The following NRXN3 variants were observed in gnomAD, a reference collection of about 807,000 sequenced individuals.
The protein encoded by NRXN3 is neurexin III.
In NRXN3, 32 loss-of-function variants were observed where a neutral mutation model predicts 137.6. The ratio of observed to expected loss-of-function variants is 0.23; its 90% confidence interval spans 0.18 to 0.31. The LOEUF is 0.31. Among genes scored for constraint, NRXN3 ranks in the 10% least tolerant of loss-of-function variants. The pLI, the probability that NRXN3 is intolerant of heterozygous loss-of-function variation, is 1.00. For missense variants in NRXN3, 1,574 were observed against 2,062.5 expected, an observed-to-expected ratio of 0.76 and a Z score of 4.59; for synonymous variants, 798 against 784.5, an observed-to-expected ratio of 1.02 and a Z score of -0.29.
intron 10 of NRXN3, among the ~76,000 whole-genome samples, chr14:78,955,881 G>T (rs926335984): frequency 6.6e-6 from 1 of 152,120 alleles, no homozygotes; most frequent in Admixed American, 6.5e-5. Flanking sequence ...GGAGGGAGGA[G>T]TGTAGCTAGT....
intron 8 of NRXN3, among the ~76,000 whole-genome samples, chr14:78,721,574 G>C (rs539546900): frequency 8.5e-5 from 13 of 152,126 alleles, no homozygotes; most frequent in Admixed American, 2.6e-4. Flanking sequence ...ACTCGGTTTA[G>C]TTATATCAGC....
chr14:78,304,238 G>A (rs2077145203), intron 4 of NRXN3, among the ~76,000 whole-genome samples: 1 of 152,132 alleles, frequency 6.6e-6, no homozygotes, highest in Admixed American at 6.5e-5. Context: ...AAGTGTCAGA[G>A]GGAAAATTTT....
At chr14:78,844,963 A>G (rs2099022474) in intron 10 of NRXN3, among the ~76,000 whole-genome samples, 1 of 152,018 alleles carries the variant, frequency 6.6e-6, no homozygotes, top group Non-Finnish European at 1.5e-5. Context: ...AACCACTAGC[A>G]CATTTTGAAA....
chr14:78,705,107 C>A (rs2098332565), intron 6 of NRXN3, among the ~76,000 whole-genome samples: 3 of 152,190 alleles, frequency 2.0e-5, no homozygotes, highest in Non-Finnish European at 4.4e-5. Flanking sequence ...GCTTCTGTAC[C>A]TCCCAGTCTG....
intron 10 of NRXN3, among the ~76,000 whole-genome samples, chr14:78,838,125 G>A (rs1375499821): frequency 1.3e-5 from 2 of 152,082 alleles, no homozygotes; most frequent in Non-Finnish European, 2.9e-5. Flanking sequence ...TCTACTATCT[G>A]TGGAATATAC....
intron 1 of NRXN3, among the ~76,000 whole-genome samples, chr14:78,215,489 G>A (rs2063160114): frequency 6.6e-6 from 1 of 152,108 alleles, no homozygotes; most frequent in South Asian, 2.1e-4. Context: ...ACAAAGCAAG[G>A]GGAGGCGGCA....
chr14:79,481,333 C>T (rs1482605877), intron 16 of NRXN3, among the ~76,000 whole-genome samples: 3 of 152,140 alleles, frequency 2.0e-5, no homozygotes, highest in Non-Finnish European at 4.4e-5. Flanking sequence ...TTCTAATATG[C>T]TCACGAGTCA....
chr14:79,505,640 T>G (rs1409451897), intron 16 of NRXN3, among the ~76,000 whole-genome samples: 1 of 152,196 alleles, frequency 6.6e-6, no homozygotes, highest in Non-Finnish European at 1.5e-5. Flanking sequence ...TTACCTTACA[T>G]AGTTATCAAA....
intron 10 of NRXN3, among the ~76,000 whole-genome samples, chr14:78,943,852 G>C (rs924666736): frequency 6.6e-6 from 1 of 151,114 alleles, no homozygotes; most frequent in East Asian, 2.0e-4. Context: ...GCAGACATGG[G>C]CATTTTAGAC....
intron 17 of NRXN3, among the ~76,000 whole-genome samples, chr14:79,685,084 T>A (rs17109747): frequency 6.6e-6 from 1 of 152,132 alleles, no homozygotes; most frequent in African/African-American, 2.4e-5. Flanking sequence ...TTTGAAAATA[T>A]TTGACACCAA....
chr14:78,622,745 T>C (rs2097418893), intron 4 of NRXN3, among the ~76,000 whole-genome samples: 1 of 152,238 alleles, frequency 6.6e-6, no homozygotes, highest in Non-Finnish European at 1.5e-5. Context: ...ACAAAACCAT[T>C]TGTTGGCAAG....
At chr14:78,512,772 A>G (rs563324797) in intron 4 of NRXN3, among the ~76,000 whole-genome samples, 27 of 152,142 alleles carry the variant, frequency 1.8e-4, no homozygotes, top group Non-Finnish European at 2.2e-4. Flanking sequence ...CAACCCTAAG[A>G]GATAAAAAAG....
At chr14:79,836,686 A>G (rs2099344692) in intron 20 of NRXN3, among the ~76,000 whole-genome samples, 1 of 152,154 alleles carries the variant, frequency 6.6e-6, no homozygotes, top group South Asian at 2.1e-4. Flanking sequence ...TGTGAATGTT[A>G]GCACAGTACA....
At chr14:79,429,132 T>A (rs937874555) in intron 15 of NRXN3, among the ~76,000 whole-genome samples, 2 of 152,156 alleles carry the variant, frequency 1.3e-5, no homozygotes, top group African/African-American at 4.8e-5. Flanking sequence ...AATCACAGAA[T>A]TTGATAATCT....
chr14:78,666,360 G>A (rs1374338652), intron 6 of NRXN3, among the ~76,000 whole-genome samples: 1 of 152,054 alleles, frequency 6.6e-6, no homozygotes, highest in South Asian at 2.1e-4. Flanking sequence ...TCCAGGAGAC[G>A]GTAGGGAAAA....
In NRXN3 at chr14:78,554,305, G is replaced by A. The variant is rs77715731; in HGVS notation, c.758-90815G>A. Among the ~76,000 whole-genome samples the A allele has an allele frequency of 3.6e-3, 548 of 152,246 alleles. 2 individuals are homozygous for A. The highest frequency in any genetic ancestry group is 0.012 in the African/African-American group (507 of 41,532). ...CAAGCGAGGTGCCATTGGATATGTG[G>A]TTACTTGTGGGTGAGCTCAAGTAGA... is the stretch of plus-strand genomic sequence containing the variant. On this transcript the variant is annotated intron_variant, in intron 4 of 20. Coordinates refer to ENST00000335750, the MANE Select transcript of NRXN3 (RefSeq NM_001330195.2).
intron 10 of NRXN3, among the ~76,000 whole-genome samples, chr14:78,934,384 C>T (rs1464067912): frequency 6.6e-6 from 1 of 152,136 alleles, no homozygotes; most frequent in Non-Finnish European, 1.5e-5. Context: ...CCAAGCATGA[C>T]CAGAAGGAGA....
intron 15 of NRXN3, among the ~76,000 whole-genome samples, chr14:79,428,979 G>T (rs1444854528): frequency 1.3e-5 from 2 of 152,126 alleles, no homozygotes; most frequent in African/African-American, 4.8e-5. Context: ...AAATTCTTAT[G>T]AGAAAAGTGT....
Position 79,865,476 on chromosome 14 carries a change from A to G in NRXN3, c.*3512A>G, listed in dbSNP as rs1020602796. On this transcript the variant is annotated 3_prime_UTR_variant, in exon 21 of 21. Transcript: ENST00000335750. ...CCAGTTTTCAAAGAGTTAGAATTTT[A>G]AAAATATATATTTAGTTAAGCCTGT... 1.3e-5 allele frequency: 2 copies of G among 152,340 alleles called. No homozygotes were observed. Among genetic ancestry groups the G allele is most frequent in the East Asian group, 3.9e-4 (2 of 5,186 alleles). 9.4% of individuals were successfully genotyped at this position (152,340 alleles called of 1,614,324 possible). A position where few individuals can be genotyped will look rare whatever the true frequency, so the allele number is the denominator to read the frequency against.
Sources: gnomAD v4.1 joint callset for allele counts (sites outside exome capture counted in the v4.1 genomes callset) on GRCh38, gnomAD v4.1.1 for gene constraint, MANE v1.5 for transcripts, NCBI Gene and HGNC (gene_info 2026-07-23, HGNC 2026-07-21) for gene names.